EPG5: variants seen among roughly 807,000 people sequenced by gnomAD.
The protein encoded by EPG5 is ectopic P-granules 5 autophagy tethering factor.
Under a neutral mutation model 302.7 loss-of-function variants are expected in EPG5, and 159 were observed. The observed-to-expected ratio is 0.53, with a 90% CI of 0.46 to 0.60. EPG5 has a LOEUF of 0.60. Among genes scored for constraint, EPG5 ranks in the 20% least tolerant of loss-of-function variants. The probability of loss-of-function intolerance (pLI) is 0.00; values close to 1 mark genes in which losing one functional copy is unlikely to be tolerated. For synonymous variants in EPG5, 1,158 were observed against 1,136.8 expected, an observed-to-expected ratio of 1.02 and a Z score of -0.37; for missense variants, 2,896 against 3,092.4, an observed-to-expected ratio of 0.94 and a Z score of 1.51.
chr18:45,915,125 A>G (rs1359006825), intron 20 of EPG5, among the ~76,000 whole-genome samples: 1 of 151,936 alleles, frequency 6.6e-6, no homozygotes, highest in African/African-American at 2.4e-5. Flanking sequence ...CTAAAAATAC[A>G]AGGTTAGCTG....
chr18:45,914,967 AT>A (rs1337254018), intron 20 of EPG5, among the ~76,000 whole-genome samples: 81 of 50,264 alleles, frequency 1.6e-3, no homozygotes, highest in African/African-American at 8.8e-3. Context: ...ATGTTTTTTA[AT>A]TTAAAAAAAA....
At chr18:45,821,730 A>C in the EPG5 span, among the ~76,000 whole-genome samples, 1 of 152,212 alleles carries the variant, frequency 6.6e-6, no homozygotes, top group African/African-American at 2.4e-5. Context: ...TTAATATACA[A>C]AATATATAAG....
intron 35 of EPG5, among the ~76,000 whole-genome samples, chr18:45,872,974 C>G (rs1352293309): frequency 6.6e-6 from 1 of 152,176 alleles, no homozygotes; most frequent in African/African-American, 2.4e-5. Context: ...TCTGTGACGT[C>G]AGATAAATTC....
At chr18:45,842,281 A>G in the EPG5 span, 1 of 1,421,928 alleles carries the variant, frequency 7.0e-7, no homozygotes, top group Non-Finnish European at 9.9e-7. Context: ...GTTCTCGGGC[A>G]CCTTGGCAGC....
At chr18:45,845,334 C>T (rs2048354983), downstream of EPG5, among the ~76,000 whole-genome samples, 1 of 152,194 alleles carries the variant, frequency 6.6e-6, no homozygotes, top group Non-Finnish European at 1.5e-5. Context: ...TGAGGAGGGT[C>T]GGCCAGCTGG....
chr18:45,903,236 ATATC>A (rs1433024818), intron 25 of EPG5, among the ~76,000 whole-genome samples: 1 of 151,990 alleles, frequency 6.6e-6, no homozygotes, highest in Non-Finnish European at 1.5e-5. Flanking sequence ...AAATTAATAT[ATATC>A]TTTTATAATC....
chr18:45,837,717 C>A, the EPG5 span: 1 of 1,493,298 alleles, frequency 6.7e-7, no homozygotes, highest in Non-Finnish European at 8.8e-7. Context: ...CTCTGCCAGA[C>A]GGCGCTGAGC....
At chr18:45,878,505 G>C in intron 33 of EPG5, 57 bp from the exon 34 acceptor site, 1 of 1,087,968 alleles carries the variant, frequency 9.2e-7, no homozygotes, top group South Asian at 1.3e-5. Flanking sequence ...CAATATCACT[G>C]CTCACATTAT....
chr18:45,966,518 A>G (rs992435732), intron 1 of EPG5, among the ~76,000 whole-genome samples: 10 of 152,184 alleles, frequency 6.6e-5, no homozygotes, highest in African/African-American at 2.4e-4. Context: ...GCACTTATAA[A>G]CAAATCAACT....
At chr18:45,865,361 A>G (rs1449318339) in intron 39 of EPG5, among the ~76,000 whole-genome samples, 6 of 152,142 alleles carry the variant, frequency 3.9e-5, no homozygotes, top group Admixed American at 3.9e-4. Context: ...GCTCACTGAA[A>G]GGTCTCTGAT....
At chr18:45,853,506 C>T (rs1238693591) in intron 43 of EPG5, among the ~76,000 whole-genome samples, 1 of 152,144 alleles carries the variant, frequency 6.6e-6, no homozygotes, top group Non-Finnish European at 1.5e-5. Flanking sequence ...GCTCATCCAC[C>T]CCAGGATTCT....
At chr18:45,807,566 A>G in the EPG5 span, among the ~76,000 whole-genome samples, 2 of 152,206 alleles carry the variant, frequency 1.3e-5, no homozygotes, top group Non-Finnish European at 1.5e-5. Flanking sequence ...TCTGTGCAGA[A>G]AACTCCCAAT....
intron 2 of EPG5, chr18:45,953,969 A>C: frequency 4.1e-6 from 4 of 971,018 alleles, no homozygotes; most frequent in Non-Finnish European, 4.9e-6. Context: ...CCATGGGCTG[A>C]ATTTCAGCTG....
In EPG5 at chr18:45,870,665, T is replaced by C; in HGVS notation, c.6127A>G (p.Met2043Val). The change falls in exon 36 of 44, where the codon ATG becomes GTG. Residue 2043 changes from methionine (M) to valine (V), a missense_variant. By Grantham distance (21) the Met-to-Val change is conservative (BLOSUM62 1). Transcript: ENST00000282041. ...HYCEACTAPK[M>V]PEFILYAFHS... is the part of the protein sequence containing the mutation. ...AAAGCGTACAGAATGAACTCTGGCA[T>C]TTTGGGTGCTGTACATGCTTCACAA... 1.2e-6 allele frequency: 2 copies of C among 1,614,000 alleles called. No homozygotes were observed. The highest frequency in any genetic ancestry group is 1.7e-6 in the Non-Finnish European group (2 of 1,179,942).
At chr18:45,879,958 A>C in intron 32 of EPG5, 117 bp downstream of exon 32, 1 of 1,220,270 alleles carries the variant, frequency 8.2e-7, no homozygotes, top group Non-Finnish European at 1.1e-6. Context: ...CACTTAACAC[A>C]AAGAAAAACA....
At chr18:45,938,615 A>C (rs111506678) in intron 10 of EPG5, among the ~76,000 whole-genome samples, 1 of 152,196 alleles carries the variant, frequency 6.6e-6, no homozygotes, top group African/African-American at 2.4e-5. Flanking sequence ...ATGAAACCAC[A>C]CAAGAAAAAC....
At chr18:45,887,658 AT>A in intron 29 of EPG5, 92 bp downstream of exon 29, 1 of 1,123,334 alleles carries the variant, frequency 8.9e-7, no homozygotes. Context: ...AACCTGTAAT[AT>A]AAGTCTGAAG....
chr18:45,884,486 T>C, intron 30 of EPG5, 131 bp downstream of exon 30: 2 of 721,708 alleles, frequency 2.8e-6, no homozygotes, highest in Middle Eastern at 4.0e-4. Context: ...TCATGCAAAC[T>C]GTGAAAAAGG....
rs532989935 is a variant in EPG5 at position 45,851,379 on chromosome 18, G to C, written c.*1088C>G. ...CAGAACAAGGCAAAGTTACACACAG[G>C]CTTTGGTAATGAATGAACTGTCAAC... is the stretch of plus-strand genomic sequence containing the variant. On this transcript the variant is annotated 3_prime_UTR_variant, in exon 44 of 44. Coordinates refer to ENST00000282041, the MANE Select transcript of EPG5 (RefSeq NM_020964.3). 3.3e-5 allele frequency: 5 copies of C among 152,142 alleles called. No individual in the cohort carries two copies. The highest frequency in any genetic ancestry group is 3.3e-4 in the Admixed American group (5 of 15,274). The allele number at this position is 152,142 out of a possible 1,614,324, so 9.4% of individuals were successfully genotyped here.
Sources: gnomAD v4.1 joint callset for allele counts (sites outside exome capture counted in the v4.1 genomes callset) on GRCh38, gnomAD v4.1.1 for gene constraint, MANE v1.5 for transcripts, NCBI Gene and HGNC (gene_info 2026-07-23, HGNC 2026-07-21) for gene names.